Variants in ZFHX3 observed in about 807,000 individuals in gnomAD.
ZFHX3 encodes the protein zinc finger homeobox 3.
In ZFHX3, 42 loss-of-function variants were observed where a neutral mutation model predicts 279.1. That is an observed-to-expected ratio of 0.15 (90% CI 0.12 to 0.19). The LOEUF (loss-of-function observed/expected upper bound fraction) is 0.19. Ranked by LOEUF, ZFHX3 falls within the 10% of genes least tolerant of loss-of-function variation. ZFHX3 has a pLI of 1.00. For synonymous variants in ZFHX3, 2,293 were observed against 1,957.8 expected (o/e 1.17, Z -4.52); for missense variants, 4,981 against 4,754.0 (o/e 1.05, Z -1.40).
intron 2 of ZFHX3, among the ~76,000 whole-genome samples, chr16:72,952,254 CA>C (rs981273034): frequency 2.3e-4 from 35 of 151,994 alleles, no homozygotes; most frequent in Non-Finnish European, 3.8e-4. Context: ...CAAAACAAAA[CA>C]AAAAAAGACT....
intron 2 of ZFHX3, among the ~76,000 whole-genome samples, chr16:73,477,584 G>A (rs575456648): frequency 6.6e-4 from 100 of 152,276 alleles, no homozygotes; most frequent in African/African-American, 2.4e-3. Flanking sequence ...CTACCCTCTG[G>A]TTTCCACAGT....
chr16:73,211,578 T>C (rs1366237552), intron 5 of ZFHX3, among the ~76,000 whole-genome samples: 5 of 152,070 alleles, frequency 3.3e-5, no homozygotes, highest in Non-Finnish European at 7.4e-5. Flanking sequence ...GGCTGCTAGA[T>C]GGAGAAAACC....
chr16:73,411,999 G>C (rs2017476630), intron 3 of ZFHX3, among the ~76,000 whole-genome samples: 1 of 152,156 alleles, frequency 6.6e-6, no homozygotes, highest in Non-Finnish European at 1.5e-5. Context: ...AGACCTCTAA[G>C]ACAGATAGGC....
chr16:72,960,320 A>C, intron 1 of ZFHX3, 126 bp from the exon 2 acceptor site: 1 of 651,154 alleles, frequency 1.5e-6, no homozygotes, highest in Non-Finnish European at 2.4e-6. Context: ...TGTCCACAAC[A>C]CAGAGACACA....
At chr16:73,523,369 C>G (rs767568839) in intron 2 of ZFHX3, among the ~76,000 whole-genome samples, 2 of 152,176 alleles carry the variant, frequency 1.3e-5, no homozygotes, top group Non-Finnish European at 1.5e-5. Flanking sequence ...GATGTGACCT[C>G]CCTGGGTTTT....
rs187930559 is a variant in ZFHX3, at chr16:73,594,477, T to C, written c.-1547+85703A>G. 2.4e-3 allele frequency among the ~76,000 whole-genome samples: 363 copies of C among 152,202 alleles called. 3 individuals carry two copies. Among genetic ancestry groups the C allele is most frequent in the African/African-American group, 8.3e-3 (345 of 41,536 alleles). On this transcript the variant is annotated intron_variant, in intron 2 of 17. Coordinates refer to the ZFHX3 transcript ENST00000641206. ...TTTTATTAGTGCAAATTTACAAGAG[T>C]AATTAAGATAGAATTAAGACTGGGA... is the stretch of plus-strand genomic sequence containing the variant.
At chr16:73,555,664 C>T (rs1199998697) in intron 2 of ZFHX3, among the ~76,000 whole-genome samples, 1 of 151,510 alleles carries the variant, frequency 6.6e-6, no homozygotes, top group African/African-American at 2.4e-5. Context: ...AACCCCATCT[C>T]TACTAAAAAT....
At chr16:73,303,963 G>GGAAAAAAAAAAAAAAAAAAAAAAAAAAA (rs781722281) in intron 4 of ZFHX3, among the ~76,000 whole-genome samples, 1 of 76,122 alleles carries the variant, frequency 1.3e-5, no homozygotes, top group African/African-American at 4.6e-5. Flanking sequence ...ACCCTAGGTG[G>GGAAAAAAAAAAAAAAAAAAAAAAAAAAA]AAAAAAAAAA....
At chr16:73,065,858 C>G (rs939613738) in intron 8 of ZFHX3, among the ~76,000 whole-genome samples, 2 of 152,134 alleles carry the variant, frequency 1.3e-5, no homozygotes, top group Non-Finnish European at 2.9e-5. Context: ...GATATTTTTC[C>G]AAGGCAAAAA....
intron 2 of ZFHX3, among the ~76,000 whole-genome samples, chr16:73,540,384 A>G (rs1324763649): frequency 6.6e-6 from 1 of 152,238 alleles, no homozygotes; most frequent in Non-Finnish European, 1.5e-5. Flanking sequence ...TCTCACAGTA[A>G]GAAACTGCAA....
intron 1 of ZFHX3, among the ~76,000 whole-genome samples, chr16:73,798,300 A>G (rs1326584673): frequency 6.6e-6 from 1 of 151,834 alleles, no homozygotes; most frequent in Non-Finnish European, 1.5e-5. Context: ...TTCTCTTTTT[A>G]GGGAAGATAT....
At chr16:73,392,334 C>T (rs2017030422) in intron 3 of ZFHX3, among the ~76,000 whole-genome samples, 1 of 139,816 alleles carries the variant, frequency 7.2e-6, no homozygotes, top group Non-Finnish European at 1.5e-5. Flanking sequence ...GGCACGGGAC[C>T]CTTGAACCCT....
At chr16:73,447,559 A>G (rs1024637346) in intron 3 of ZFHX3, among the ~76,000 whole-genome samples, 9 of 152,134 alleles carry the variant, frequency 5.9e-5, no homozygotes, top group African/African-American at 2.2e-4. Context: ...AGGCAGGAAC[A>G]TTGCCTCTAT....
chr16:73,835,419 C>G (rs72803171), intron 1 of ZFHX3, among the ~76,000 whole-genome samples: 5 of 148,698 alleles, frequency 3.4e-5, no homozygotes, highest in Non-Finnish European at 5.9e-5. Flanking sequence ...CCCACCATCC[C>G]TCTTCTTTCG....
At chr16:73,698,105 A>G (rs1256668494) in intron 1 of ZFHX3, among the ~76,000 whole-genome samples, 2 of 152,182 alleles carry the variant, frequency 1.3e-5, no homozygotes, top group Non-Finnish European at 2.9e-5. Context: ...ATTGCATGGT[A>G]TCAATGTCAA....
intron 3 of ZFHX3, among the ~76,000 whole-genome samples, chr16:73,324,408 G>C (rs185447490): frequency 2.0e-5 from 3 of 152,288 alleles, no homozygotes; most frequent in Admixed American, 2.0e-4. Flanking sequence ...TCTACTTCTA[G>C]ACACATGAAG....
chr16:73,874,074 C>T (rs948853364), intron 1 of ZFHX3, among the ~76,000 whole-genome samples: 18 of 152,120 alleles, frequency 1.2e-4, no homozygotes, highest in African/African-American at 3.4e-4. Flanking sequence ...TAGCTGCCTA[C>T]GCCATTTCTT....
chr16:72,995,596 CT>C (rs1283754548), intron 1 of ZFHX3, among the ~76,000 whole-genome samples: 1 of 152,194 alleles, frequency 6.6e-6, no homozygotes, highest in African/African-American at 2.4e-5. Context: ...AACACAAAGG[CT>C]GTCAGTCCTC....
chr16:73,602,103 G>A (rs372392443), intron 2 of ZFHX3, among the ~76,000 whole-genome samples: 3 of 152,162 alleles, frequency 2.0e-5, no homozygotes, highest in Non-Finnish European at 2.9e-5. Flanking sequence ...CTGCACTCCA[G>A]CCTAAGCAAC....
Sources: gnomAD v4.1 joint callset for allele counts (sites outside exome capture counted in the v4.1 genomes callset) on GRCh38, gnomAD v4.1.1 for gene constraint, MANE v1.5 for transcripts, NCBI Gene and HGNC (gene_info 2026-07-23, HGNC 2026-07-21) for gene names.